Variants in VGLL4 observed in about 807,000 individuals in gnomAD.
The protein encoded by VGLL4 is vestigial like family member 4.
VGLL4 carries 7 observed loss-of-function variants against 21.0 expected under a neutral mutation model. That is an observed-to-expected ratio of 0.33 (90% CI 0.19 to 0.63). VGLL4 has a LOEUF of 0.63. Ranked by LOEUF, VGLL4 falls within the 20% of genes least tolerant of loss-of-function variation. The pLI is 0.78. For missense variants in VGLL4, 394 were observed against 425.7 expected, an observed-to-expected ratio of 0.93 and a Z score of 0.66; for synonymous variants, 222 against 173.2, an observed-to-expected ratio of 1.28 and a Z score of -2.21.
At chr3:11,645,418 G>C (rs7634091), upstream of VGLL4, among the ~76,000 whole-genome samples, 1 of 146,288 alleles carries the variant, frequency 6.8e-6, no homozygotes, top group Non-Finnish European at 1.5e-5. Context: ...GTGAAACCCC[G>C]TCTCTACTAA....
intron 2 of VGLL4, among the ~76,000 whole-genome samples, chr3:11,652,863 A>T (rs62245807): frequency 0.047 from 7,143 of 152,256 alleles, 337 homozygotes; most frequent in Admixed American, 0.12. Flanking sequence ...ATTTTCTTGC[A>T]TGTTTACATA....
chr3:11,689,799 A>G (rs1036213418), intron 2 of VGLL4, among the ~76,000 whole-genome samples: 1 of 152,212 alleles, frequency 6.6e-6, no homozygotes, highest in Non-Finnish European at 1.5e-5. Context: ...GTGTCCAATG[A>G]TGGGCTTTGC....
chr3:11,659,414 C>T (rs901942671), intron 2 of VGLL4, among the ~76,000 whole-genome samples: 18 of 147,624 alleles, frequency 1.2e-4, no homozygotes, highest in African/African-American at 4.5e-4. Flanking sequence ...TCACCGCAAC[C>T]TCCACCTCCC....
chr3:11,581,721 G>C (rs1301920126), intron 2 of VGLL4, among the ~76,000 whole-genome samples: 1 of 152,200 alleles, frequency 6.6e-6, no homozygotes, highest in Non-Finnish European at 1.5e-5. Flanking sequence ...AAATAGCTGA[G>C]GTCAAACCCT....
Position 11,643,490 on chromosome 3 carries a change from T to C in VGLL4, c.29A>G (p.Asn10Ser). 1.9e-6 allele frequency: 3 copies of C among 1,613,948 alleles called. No homozygotes were observed. In the South Asian group the frequency reaches 3.3e-5, roughly 18 times the overall value. The change falls in exon 1 of 5, where the codon AAC (asparagine) becomes AGC (serine). Residue 10 changes from asparagine to serine, a missense_variant. Physicochemically the swap from Asn to Ser is conservative, Grantham distance 46. Coordinates refer to ENST00000430365, the MANE Select transcript of VGLL4 (RefSeq NM_001128219.3). The part of the protein sequence containing the change: MLFMKMDLL[N>S]YQYLDKMNNN... ...GTTCATCTTGTCCAAGTACTGATAG[T>C]TCAACAGGTCCATCTTCATAAATAG...
At chr3:11,628,320 A>G (rs1255742665) in intron 1 of VGLL4, among the ~76,000 whole-genome samples, 1 of 152,098 alleles carries the variant, frequency 6.6e-6, no homozygotes, top group Non-Finnish European at 1.5e-5. Context: ...CCCGGGAGGC[A>G]GAGGTTGCGG....
chr3:11,654,315 G>A lies in VGLL4; in HGVS notation c.64+48656C>T, dbSNP rs112759279. Reference sequence around the variant, plus strand: ...ACTAAGTGCCACACTCCATGGCACAGTGCATATCTTCTGCATATCCTGTTT... The same window carrying A: ...ACTAAGTGCCACACTCCATGGCACAATGCATATCTTCTGCATATCCTGTTT... On this transcript the variant is annotated intron_variant, in intron 2 of 5. Coordinates refer to the VGLL4 transcript ENST00000273038. Among the ~76,000 whole-genome samples, 313 of 152,310 alleles carry A rather than the reference G, an allele frequency of 2.1e-3. 1 individual carries two copies. Among genetic ancestry groups the A allele is most frequent in the African/African-American group, 7.2e-3 (301 of 41,574 alleles).
chr3:11,657,429 AAG>A (rs1288516290), intron 2 of VGLL4, among the ~76,000 whole-genome samples: 1 of 152,240 alleles, frequency 6.6e-6, no homozygotes, highest in Non-Finnish European at 1.5e-5. Flanking sequence ...AAAAATAAAA[AAG>A]AGACATTTTA....
chr3:11,704,383 CAAAAAAA>C lies in VGLL4; in HGVS notation c.-13-1343_-13-1337del, dbSNP rs57593843. The stretch of plus-strand genomic sequence containing the variant: ...GGGCAACAAAAGGGAAACTCCGTCT[CAAAAAAA>C]AAAAAAAAAAAAAAAGAAAAAAAGA... On this transcript the variant is annotated intron_variant, in intron 1 of 5. Transcript: ENST00000273038. Among the ~76,000 whole-genome samples, 33 of 69,168 alleles carry C rather than the reference CAAAAAAA, an allele frequency of 4.8e-4. No individual in the cohort carries two copies. In the East Asian group the frequency reaches 4.9e-3, roughly 10 times the overall value. 45.4% of individuals were successfully genotyped at this position (69,168 alleles called of 152,430 possible).
Position 11,613,885 on chromosome 3 carries a change from C to T in VGLL4, c.83-11863G>A, listed in dbSNP as rs112597386. Among the ~76,000 whole-genome samples, 468 of 152,278 alleles carry T rather than the reference C, an allele frequency of 3.1e-3. 4 individuals carry two copies. The highest frequency in any genetic ancestry group is 9.9e-3 in the African/African-American group (413 of 41,544). On this transcript the variant is annotated intron_variant, in intron 1 of 4. Coordinates refer to ENST00000430365, the MANE Select transcript of VGLL4 (RefSeq NM_001128219.3). ...CTTCTCGCTACTCATGACAGGCCCC[C>T]GCCTCGAATACAGTCAGCCACTAGC...
At position 11,701,919 on chromosome 3, in the gene VGLL4, C is replaced by T. The variant is rs112982086; in HGVS notation, c.64+1052G>A. On this transcript the variant is annotated intron_variant, in intron 2 of 5. Transcript: ENST00000273038. Reference sequence around the variant, plus strand: ...AAGTAATCTTAACTTTGAACAAGAACGTTTAAAAATAAATATATTGTTGGG... The same window carrying T: ...AAGTAATCTTAACTTTGAACAAGAATGTTTAAAAATAAATATATTGTTGGG... Among the ~76,000 whole-genome samples the T allele has an allele frequency of 3.4e-3, 516 of 152,226 alleles. 6 individuals are homozygous for T. The highest frequency in any genetic ancestry group is 0.011 in the African/African-American group (461 of 41,536).
At chr3:11,571,283 G>GA (rs963790625) in intron 2 of VGLL4, among the ~76,000 whole-genome samples, 5 of 151,978 alleles carry the variant, frequency 3.3e-5, no homozygotes, top group South Asian at 2.1e-4. Context: ...CTTAATAATT[G>GA]AAAAAAAGCC....
At chr3:11,684,942 A>T (rs2076425438) in intron 2 of VGLL4, among the ~76,000 whole-genome samples, 1 of 152,088 alleles carries the variant, frequency 6.6e-6, no homozygotes, top group African/African-American at 2.4e-5. Flanking sequence ...GTACTAAGCC[A>T]AGTACTCAAT....
intron 1 of VGLL4, among the ~76,000 whole-genome samples, chr3:11,611,349 A>G (rs995998010): frequency 1.3e-5 from 2 of 152,216 alleles, no homozygotes; most frequent in Non-Finnish European, 2.9e-5. Flanking sequence ...CATTGCAGAA[A>G]GGCCACCATG....
chr3:11,615,827 C>T (rs1222392113), intron 1 of VGLL4, among the ~76,000 whole-genome samples: 1 of 152,108 alleles, frequency 6.6e-6, no homozygotes, highest in Non-Finnish European at 1.5e-5. Flanking sequence ...GAAAGACAGA[C>T]AATACAATCA....
chr3:11,681,362 G>A (rs917396849), intron 2 of VGLL4, among the ~76,000 whole-genome samples: 1 of 152,222 alleles, frequency 6.6e-6, no homozygotes, highest in Non-Finnish European at 1.5e-5. Flanking sequence ...CTCCCAAAGT[G>A]CTGGGATTAC....
rs146579499 is a variant in VGLL4, at chr3:11,564,948, A to G, written c.344T>C (p.Val115Ala). 486 of 1,573,940 alleles carry G rather than the reference A, an allele frequency of 3.1e-4. No individual in the cohort carries two copies. The African/African-American group carries it at 5.7e-3, about 18-fold the overall frequency. ...GCCGTGCAGGCTCATGGTGGGGGCC[A>G]CAGCGCGCTCGATGGGGCTGCGGCT... is the stretch of plus-strand genomic sequence containing the variant. ...ERSRSPIERA[V>A]APTMSLHGSH... The change falls in exon 3 of 5, where the codon GTG (valine) becomes GCG (alanine). Residue 115 changes from valine (V) to alanine (A), a missense_variant. Transcript: ENST00000430365.
chr3:11,637,747 T>G (rs1387746311), intron 1 of VGLL4, among the ~76,000 whole-genome samples: 2 of 149,828 alleles, frequency 1.3e-5, no homozygotes, highest in Non-Finnish European at 3.0e-5. Flanking sequence ...GGAGAGCAAA[T>G]GAAGAAAGCA....
chr3:11,704,383 C>CAAAAAAAAAAA (rs57593843), intron 1 of VGLL4, among the ~76,000 whole-genome samples: 5 of 69,138 alleles, frequency 7.2e-5, no homozygotes, highest in East Asian at 3.8e-4. Context: ...AACTCCGTCT[C>CAAAAAAAAAAA]AAAAAAAAAA....
Sources: gnomAD v4.1 joint callset for allele counts (sites outside exome capture counted in the v4.1 genomes callset) on GRCh38, gnomAD v4.1.1 for gene constraint, MANE v1.5 for transcripts, NCBI Gene and HGNC (gene_info 2026-07-23, HGNC 2026-07-21) for gene names.